The following RNGTT variants were observed in gnomAD, a reference collection of about 807,000 sequenced individuals.
RNGTT encodes the protein mRNA-capping enzyme.
RNGTT carries 33 observed loss-of-function variants against 79.3 expected under a neutral mutation model. The observed-to-expected ratio is 0.42, with a 90% CI of 0.32 to 0.56. The LOEUF (loss-of-function observed/expected upper bound fraction) is 0.56, where lower values mean the gene tolerates loss of function less well. Ranked by LOEUF, RNGTT falls within the 20% of genes least tolerant of loss-of-function variation. The probability of loss-of-function intolerance (pLI) is 0.17; values close to 1 mark genes in which losing one functional copy is unlikely to be tolerated. For missense variants in RNGTT, 497 were observed against 739.1 expected, an observed-to-expected ratio of 0.67 and a Z score of 3.80; for synonymous variants, 222 against 235.9, an observed-to-expected ratio of 0.94 and a Z score of 0.54.
At chr6:88,745,208 A>G (rs1380370693) in intron 13 of RNGTT, among the ~76,000 whole-genome samples, 1 of 152,218 alleles carries the variant, frequency 6.6e-6, no homozygotes, top group Non-Finnish European at 1.5e-5. Context: ...ACAGTGATGA[A>G]GGTTAACATT....
At chr6:88,722,959 T>A (rs1471002067) in intron 13 of RNGTT, among the ~76,000 whole-genome samples, 2 of 152,224 alleles carry the variant, frequency 1.3e-5, no homozygotes, top group East Asian at 3.8e-4. Flanking sequence ...TTATGTACAG[T>A]ACCTAACACT....
intron 6 of RNGTT, among the ~76,000 whole-genome samples, chr6:88,897,743 G>C (rs1783301172): frequency 6.6e-6 from 1 of 152,106 alleles, no homozygotes; most frequent in Non-Finnish European, 1.5e-5. Flanking sequence ...GATAAGGATG[G>C]CTCACCAAAC....
intron 11 of RNGTT, among the ~76,000 whole-genome samples, chr6:88,836,567 C>A (rs2127894006): frequency 6.6e-6 from 1 of 152,136 alleles, no homozygotes; most frequent in South Asian, 2.1e-4. Flanking sequence ...CACGGTGAAA[C>A]CCCATCTCTA....
chr6:88,849,174 T>A (rs952325883), intron 10 of RNGTT, among the ~76,000 whole-genome samples: 1 of 152,004 alleles, frequency 6.6e-6, no homozygotes, highest in African/African-American at 2.4e-5. Flanking sequence ...GCAGTACTTA[T>A]GAGGAATACA....
chr6:88,650,870 T>C (rs185030982), intron 14 of RNGTT, among the ~76,000 whole-genome samples: 2 of 152,242 alleles, frequency 1.3e-5, no homozygotes, highest in African/African-American at 4.8e-5. Flanking sequence ...GAGAAATACA[T>C]GACATAGTAA....
At chr6:88,853,208 C>T (rs1295529606) in intron 9 of RNGTT, among the ~76,000 whole-genome samples, 1 of 152,112 alleles carries the variant, frequency 6.6e-6, no homozygotes, top group Non-Finnish European at 1.5e-5. Flanking sequence ...ATTTAACATC[C>T]TAATAAAAGT....
intron 13 of RNGTT, among the ~76,000 whole-genome samples, chr6:88,764,384 C>T (rs537218068): frequency 2.9e-4 from 44 of 152,162 alleles, no homozygotes; most frequent in Non-Finnish European, 4.0e-4. Flanking sequence ...TGAGTTCAAC[C>T]TCAAAGCTCT....
intron 11 of RNGTT, among the ~76,000 whole-genome samples, chr6:88,803,411 T>C (rs1779849427): frequency 6.6e-6 from 1 of 151,206 alleles, no homozygotes; most frequent in South Asian, 2.1e-4. Context: ...CCATCTCTAC[T>C]AAAAAATACA....
rs543773676 is a variant in RNGTT at position 88,627,133 on chromosome 6, C to T, written c.1507-12738G>A. 1.2e-4 allele frequency among the ~76,000 whole-genome samples: 18 copies of T among 152,128 alleles called. No homozygotes were observed. In the South Asian group the frequency reaches 1.7e-3, roughly 14 times the overall value. ...ACAATGACTGGCTTATTTGATGTTGCCCATTTTTTAAGATGTCTGTTACAC... is the reference window on the plus strand; with the variant it reads ...ACAATGACTGGCTTATTTGATGTTGTCCATTTTTTAAGATGTCTGTTACAC... On this transcript the variant is annotated intron_variant, in intron 14 of 15. Coordinates refer to ENST00000369485, the MANE Select transcript of RNGTT (RefSeq NM_003800.5).
intron 15 of RNGTT, 30 bp downstream of exon 15, chr6:88,614,242 T>G (rs2236287): frequency 0.17 from 274,903 of 1,606,336 alleles, 25,662 homozygotes; most frequent in African/African-American, 0.35. Context: ...GTTTTAAATA[T>G]AATAAGCACT....
At chr6:88,841,270 G>A (rs1275246302) in intron 11 of RNGTT, among the ~76,000 whole-genome samples, 3 of 152,064 alleles carry the variant, frequency 2.0e-5, no homozygotes, top group Admixed American at 2.0e-4. Context: ...AAATTCCCAT[G>A]CCAAGCAGGT....
chr6:88,616,803 G>C (rs970992266), intron 14 of RNGTT, among the ~76,000 whole-genome samples: 1 of 152,142 alleles, frequency 6.6e-6, no homozygotes, highest in Non-Finnish European at 1.5e-5. Flanking sequence ...CTTATCAGAT[G>C]TACAATTTGC....
At chr6:88,691,896 T>G (rs2610760) in intron 13 of RNGTT, among the ~76,000 whole-genome samples, 40,207 of 152,062 alleles carry the variant, frequency 0.26, 9,264 homozygotes, top group African/African-American at 0.63. Context: ...AGATGAATAT[T>G]TTAAGAGATG....
chr6:88,612,772 C>G lies in RNGTT; in HGVS notation c.1741G>C (p.Asp581His). 6.2e-7 allele frequency: 1 copy of G among 1,613,370 alleles called. No individual in the cohort carries two copies. The change falls in exon 16 of 16, where the codon GAC becomes CAC. Residue 581 changes from aspartate (D) to histidine (H), a missense_variant. Coordinates refer to ENST00000369485, the MANE Select transcript of RNGTT (RefSeq NM_003800.5). ...GGTGGTGGTGGCATGAGCTCCGTGT[C>G]AGGGTCCAGATGATGTTTTCGCTTC... ...GQKRKHHLDP[D>H]TELMPPPPPK...
chr6:88,686,966 C>T (rs1775302057), intron 13 of RNGTT, among the ~76,000 whole-genome samples: 1 of 149,080 alleles, frequency 6.7e-6, no homozygotes. Flanking sequence ...GTAAATCATA[C>T]TATGTAAAAA....
intron 14 of RNGTT, among the ~76,000 whole-genome samples, chr6:88,676,371 G>C (rs1774875546): frequency 6.7e-6 from 1 of 149,852 alleles, no homozygotes; most frequent in Non-Finnish European, 1.5e-5. Context: ...TAACATTCTG[G>C]AAAAAAAAGA....
intron 4 of RNGTT, among the ~76,000 whole-genome samples, chr6:88,925,866 T>G (rs746247631): frequency 6.6e-6 from 1 of 152,054 alleles, no homozygotes; most frequent in African/African-American, 2.4e-5. Flanking sequence ...GTGGGCAACA[T>G]AGCAAGACCC....
At chr6:88,793,977 T>C (rs1056184087) in intron 12 of RNGTT, among the ~76,000 whole-genome samples, 2 of 152,246 alleles carry the variant, frequency 1.3e-5, no homozygotes, top group Non-Finnish European at 2.9e-5. Flanking sequence ...TAAAAATTCA[T>C]TACTTAGTAA....
intron 11 of RNGTT, among the ~76,000 whole-genome samples, chr6:88,820,922 C>A (rs568156961): frequency 1.3e-5 from 2 of 152,130 alleles, no homozygotes; most frequent in South Asian, 4.1e-4. Flanking sequence ...AACCAAAATC[C>A]CAGAAAGTTA....
Sources: gnomAD v4.1 joint callset for allele counts (sites outside exome capture counted in the v4.1 genomes callset) on GRCh38, gnomAD v4.1.1 for gene constraint, MANE v1.5 for transcripts, NCBI Gene and HGNC (gene_info 2026-07-23, HGNC 2026-07-21) for gene names.